The following CSMD1 variants were observed in gnomAD, a reference collection of about 807,000 sequenced individuals.
CSMD1 encodes the protein CUB and sushi domain-containing protein 1.
CSMD1 carries 213 observed loss-of-function variants against 417.5 expected under a neutral mutation model. That is an observed-to-expected ratio of 0.51 (90% CI 0.46 to 0.57). The LOEUF (loss-of-function observed/expected upper bound fraction) is 0.57. Ranked by LOEUF, CSMD1 falls within the 20% of genes least tolerant of loss-of-function variation. The pLI is 0.00. For synonymous variants in CSMD1, 2,862 were observed against 1,736.8 expected, an observed-to-expected ratio of 1.65 and a Z score of -16.11; for missense variants, 6,923 against 4,529.7, an observed-to-expected ratio of 1.53 and a Z score of -15.17.
intron 23 of CSMD1, among the ~76,000 whole-genome samples, chr8:3,341,286 C>T (rs1807625037): frequency 6.6e-6 from 1 of 152,150 alleles, no homozygotes; most frequent in Non-Finnish European, 1.5e-5. Flanking sequence ...TAACTGCTAC[C>T]TGGACAACAG....
chr8:4,268,748 T>G (rs1804382025), intron 3 of CSMD1, among the ~76,000 whole-genome samples: 2 of 150,462 alleles, frequency 1.3e-5, no homozygotes. Flanking sequence ...TCTATTAAAT[T>G]GCTAAAAAAA....
intron 5 of CSMD1, among the ~76,000 whole-genome samples, chr8:3,803,102 T>C (rs1471654823): frequency 6.6e-6 from 1 of 152,226 alleles, no homozygotes; most frequent in African/African-American, 2.4e-5. Context: ...AAATGCAGTG[T>C]TCTCTCCATC....
intron 3 of CSMD1, among the ~76,000 whole-genome samples, chr8:4,097,716 A>G (rs571097009): frequency 1.7e-4 from 26 of 152,326 alleles, no homozygotes; most frequent in Admixed American, 2.0e-4. Context: ...AACATTCAAC[A>G]TAAGGTTAAT....
chr8:4,820,079 C>G (rs1468523255), intron 1 of CSMD1, among the ~76,000 whole-genome samples: 2 of 152,176 alleles, frequency 1.3e-5, no homozygotes, highest in East Asian at 1.9e-4. Flanking sequence ...CCTTGTACCT[C>G]TGGTCCAAGA....
At chr8:3,676,618 G>A (rs781218843) in intron 7 of CSMD1, among the ~76,000 whole-genome samples, 40 of 152,142 alleles carry the variant, frequency 2.6e-4, no homozygotes, top group Non-Finnish European at 2.9e-5. Context: ...AGGTTGCCGT[G>A]AGCTTGTGTG....
At chr8:3,794,430 T>C (rs1799927828) in intron 5 of CSMD1, among the ~76,000 whole-genome samples, 1 of 152,180 alleles carries the variant, frequency 6.6e-6, no homozygotes, top group Non-Finnish European at 1.5e-5. Context: ...TTGTTAAATG[T>C]AGTGATCATA....
intron 3 of CSMD1, among the ~76,000 whole-genome samples, chr8:4,081,611 T>A (rs1478079030): frequency 6.6e-6 from 1 of 152,120 alleles, no homozygotes; most frequent in African/African-American, 2.4e-5. Flanking sequence ...AATACATAAA[T>A]TTTTTGAAGG....
chr8:3,224,602 C>G lies in CSMD1; in HGVS notation c.4346-735G>C, dbSNP rs1052614675. On this transcript the variant is annotated intron_variant, in intron 27 of 69. Transcript: ENST00000635120. ...CTGGAGCATTACTCTCTGAAAATAT[C>G]ATTTGATCACAATGCTTGGTATATT... 3.2e-4 allele frequency among the ~76,000 whole-genome samples: 49 copies of G among 152,156 alleles called. 1 individual carries two copies. Among genetic ancestry groups the G allele is most frequent in the African/African-American group, 1.1e-3 (47 of 41,434 alleles).
chr8:4,067,847 G>T (rs7017832), intron 3 of CSMD1, among the ~76,000 whole-genome samples: 2 of 151,972 alleles, frequency 1.3e-5, no homozygotes, highest in Non-Finnish European at 2.9e-5. Flanking sequence ...GGGAGGCCGA[G>T]GTGGGCGGAT....
chr8:4,566,554 G>A (rs1798617436), intron 2 of CSMD1, among the ~76,000 whole-genome samples: 1 of 149,888 alleles, frequency 6.7e-6, no homozygotes, highest in African/African-American at 2.4e-5. Flanking sequence ...TCGGGAGGCT[G>A]AGGCAGGAGA....
intron 26 of CSMD1, among the ~76,000 whole-genome samples, chr8:3,231,467 T>A (rs2116913652): frequency 6.6e-6 from 1 of 152,302 alleles, no homozygotes; most frequent in Non-Finnish European, 1.5e-5. Flanking sequence ...CTTTGCGTTT[T>A]GTTTTGTAAA....
intron 3 of CSMD1, among the ~76,000 whole-genome samples, chr8:4,230,405 G>C (rs1428363940): frequency 1.3e-5 from 2 of 152,130 alleles, no homozygotes; most frequent in Admixed American, 1.3e-4. Context: ...AAATGATCTT[G>C]TATATAATCC....
chr8:4,411,357 T>G (rs1796641002), intron 3 of CSMD1, among the ~76,000 whole-genome samples: 1 of 152,152 alleles, frequency 6.6e-6, no homozygotes, highest in Non-Finnish European at 1.5e-5. Context: ...CACCTTGATT[T>G]CTTACATTAA....
chr8:3,191,462 T>G (rs773242574), intron 33 of CSMD1, among the ~76,000 whole-genome samples: 1 of 151,758 alleles, frequency 6.6e-6, no homozygotes, highest in Non-Finnish European at 1.5e-5. Flanking sequence ...ATAAATAAAG[T>G]AAAAAATGAA....
chr8:3,319,327 T>C (rs1037950844), intron 23 of CSMD1, among the ~76,000 whole-genome samples: 1 of 152,206 alleles, frequency 6.6e-6, no homozygotes, highest in Non-Finnish European at 1.5e-5. Flanking sequence ...AGAGTCTTCA[T>C]GGCAAAGTAC....
chr8:3,332,727 G>C (rs1004981680), intron 23 of CSMD1, among the ~76,000 whole-genome samples: 4 of 152,338 alleles, frequency 2.6e-5, no homozygotes, highest in African/African-American at 7.2e-5. Context: ...AATTATCTGA[G>C]ATGGAAGGAA....
At chr8:4,764,459 G>C (rs967949078) in intron 1 of CSMD1, among the ~76,000 whole-genome samples, 1 of 151,942 alleles carries the variant, frequency 6.6e-6, no homozygotes, top group African/African-American at 2.4e-5. Context: ...TTACGTTATC[G>C]TCTGTATTCT....
chr8:4,140,118 G>A (rs1440781855), intron 3 of CSMD1, among the ~76,000 whole-genome samples: 2 of 150,926 alleles, frequency 1.3e-5, no homozygotes, highest in African/African-American at 2.5e-5. Context: ...TTTTGGAGGT[G>A]AAGGCGGGAG....
At chr8:3,595,032 G>A (rs1801026428) in intron 8 of CSMD1, among the ~76,000 whole-genome samples, 2 of 152,186 alleles carry the variant, frequency 1.3e-5, no homozygotes, top group Admixed American at 6.5e-5. Flanking sequence ...CAGCATCCAC[G>A]CGGCACGTGA....
Sources: allele counts gnomAD v4.1 joint callset (sites outside exome capture counted in the v4.1 genomes callset), GRCh38; gene constraint gnomAD v4.1.1; transcripts MANE v1.5; gene names NCBI Gene and HGNC (gene_info 2026-07-23, HGNC 2026-07-21).